Variants in RNF17 observed in about 807,000 individuals in gnomAD.
RNF17 encodes spermatogenesis associated 23.
Under a neutral mutation model 200.5 loss-of-function variants are expected in RNF17, and 31 were observed. The ratio of observed to expected loss-of-function variants is 0.15; its 90% CI spans 0.12 to 0.21. RNF17 has a LOEUF of 0.21. Among genes scored for constraint, RNF17 ranks in the 10% least tolerant of loss-of-function variants. RNF17 has a pLI of 1.00. For synonymous variants in RNF17, 606 were observed against 637.8 expected (o/e 0.95, Z 0.75); for missense variants, 1,628 against 1,905.1 (o/e 0.85, Z 2.71).
chr13:24,840,529 A>ATG (rs568716214), intron 18 of RNF17, among the ~76,000 whole-genome samples: 23,685 of 140,114 alleles, frequency 0.17, 1,821 homozygotes, highest in African/African-American at 0.21. Context: ...ACATATATAT[A>ATG]TGTGTGTGTG....
chr13:24,837,177 C>G (rs929632567), intron 18 of RNF17, among the ~76,000 whole-genome samples: 1 of 152,142 alleles, frequency 6.6e-6, no homozygotes, highest in Admixed American at 6.6e-5. Context: ...GAAAGTATCA[C>G]AGTCTTAAAC....
At chr13:24,888,136 G>A in the RNF17 span, among the ~76,000 whole-genome samples, 1 of 152,072 alleles carries the variant, frequency 6.6e-6, no homozygotes, top group Non-Finnish European at 1.5e-5. Flanking sequence ...AGATGTGAAT[G>A]CAAAAGCGCA....
chr13:24,849,141 A>G (rs764630286), intron 22 of RNF17, among the ~76,000 whole-genome samples: 11 of 152,228 alleles, frequency 7.2e-5, no homozygotes, highest in Non-Finnish European at 1.3e-4. Flanking sequence ...CCTGGGCAAC[A>G]TAATGAGGCC....
upstream of RNF17, among the ~76,000 whole-genome samples, chr13:24,760,818 T>C (rs1317939379): frequency 6.6e-6 from 1 of 152,130 alleles, no homozygotes; most frequent in African/African-American, 2.4e-5. Flanking sequence ...AGGACCTAAA[T>C]AGACATTTCT....
intron 11 of RNF17, among the ~76,000 whole-genome samples, chr13:24,797,829 C>T (rs1884791149): frequency 6.6e-6 from 1 of 151,322 alleles, no homozygotes; most frequent in Admixed American, 6.6e-5. Context: ...CAGCCACCCT[C>T]GACTCTAGAA....
intron 2 of RNF17, among the ~76,000 whole-genome samples, chr13:24,768,445 C>A (rs368813728): frequency 1.3e-5 from 2 of 151,928 alleles, no homozygotes; most frequent in African/African-American, 4.8e-5. Flanking sequence ...CCACCACGCC[C>A]GACTAATTTT....
intron 15 of RNF17, among the ~76,000 whole-genome samples, chr13:24,820,422 TTTTTG>T (rs886124703): frequency 3.4e-4 from 52 of 151,710 alleles, no homozygotes; most frequent in Middle Eastern, 3.4e-3. Context: ...GCACCTGGCC[TTTTTG>T]TTTTGTTTTG....
At chr13:24,802,314 A>G (rs1885351132) in intron 13 of RNF17, 67 bp from the exon 14 acceptor site, 1 of 1,417,474 alleles carries the variant, frequency 7.1e-7, no homozygotes, top group African/African-American at 1.4e-5. Context: ...ACAAACCTAA[A>G]TCCAGAACAT....
the RNF17 span, among the ~76,000 whole-genome samples, chr13:24,886,640 GT>G: frequency 6.6e-6 from 1 of 152,124 alleles, no homozygotes; most frequent in Non-Finnish European, 1.5e-5. Flanking sequence ...GGAGTGCTCT[GT>G]TTGGGATGAC....
Position 24,774,700 on chromosome 13 carries a change from T to C in RNF17, c.226-113T>C. On this transcript the variant is annotated intron_variant, in intron 2 of 35. Transcript: ENST00000255324. ...CCTTGATTTACAGGGGATTTCAGGA[T>C]CTTTAAGGTTATCATTAACTTTATG... 3 of 548,838 alleles carry C rather than the reference T, an allele frequency of 5.5e-6. No homozygotes were observed. The Admixed American group carries it at 1.1e-4, about 20-fold the overall frequency. 34.0% of individuals were successfully genotyped at this position (548,838 alleles called of 1,614,324 possible).
In RNF17 at chr13:24,850,513, C is replaced by G. The variant is rs1321155580; in HGVS notation, c.3204+70C>G. On this transcript the variant is annotated intron_variant, in intron 23 of 35. Coordinates refer to ENST00000255324, the MANE Select transcript of RNF17 (RefSeq NM_031277.3). ...TCCATCGATTCCATTTATTTTCTTT[C>G]TTGTAGAGAAAATAGCAGCCAACTA... The G allele has an allele frequency of 4.7e-6, 5 of 1,062,232 alleles. No homozygotes were observed. In the East Asian group the frequency reaches 1.0e-4, roughly 22 times the overall value. 65.8% of individuals were successfully genotyped at this position (1,062,232 alleles called of 1,614,324 possible).
the RNF17 span, among the ~76,000 whole-genome samples, chr13:24,888,312 G>A: frequency 6.6e-6 from 1 of 151,882 alleles, no homozygotes; most frequent in Non-Finnish European, 1.5e-5. Context: ...AATATTAGCA[G>A]TGCTTGTAAC....
At position 24,844,791 on chromosome 13, in the gene RNF17, A is replaced by C; in HGVS notation, c.2971A>C (p.Thr991Pro). 6.2e-7 allele frequency: 1 copy of C among 1,610,944 alleles called. No individual in the cohort carries two copies. The highest frequency in any genetic ancestry group is 8.5e-7 in the Non-Finnish European group (1 of 1,179,178). Reference sequence around the variant, plus strand: ...CCAGATCATCAGAATGGTTACAGACACATTGGTAGAGGTAAATTACAGAGT... The same window carrying C: ...CCAGATCATCAGAATGGTTACAGACCCATTGGTAGAGGTAAATTACAGAGT... ...RGQIIRMVTD[T>P]LVEVLLYDVG... The change falls in exon 21 of 36, where the codon ACA becomes CCA. Residue 991 changes from threonine (T) to proline (P), a missense_variant. Physicochemically the swap from Thr to Pro is conservative, Grantham distance 38 (BLOSUM62 -1). Transcript: ENST00000255324.
chr13:24,804,043 G>GT (rs953840476), intron 14 of RNF17: 7 of 392,832 alleles, frequency 1.8e-5, no homozygotes, highest in Admixed American at 8.9e-5. Context: ...GGCCAAGGCA[G>GT]TAGGGTCGCC....
chr13:24,771,870 G>A (rs1203274705), intron 2 of RNF17, among the ~76,000 whole-genome samples: 1 of 151,998 alleles, frequency 6.6e-6, no homozygotes, highest in African/African-American at 2.4e-5. Flanking sequence ...CAGGCATGGT[G>A]GCGCATGCCT....
chr13:24,787,946 T>A, intron 6 of RNF17, 42 bp from the exon 7 acceptor site: 2 of 1,451,672 alleles, frequency 1.4e-6, no homozygotes, highest in South Asian at 1.5e-5. Flanking sequence ...TCTATAAATA[T>A]TTATGAAATA....
chr13:24,878,430 G>T (rs916580914), intron 34 of RNF17, among the ~76,000 whole-genome samples: 1 of 152,148 alleles, frequency 6.6e-6, no homozygotes, highest in African/African-American at 2.4e-5. Flanking sequence ...ACGGGAATTG[G>T]CTCACACAGT....
At chr13:24,780,621 C>A (rs1364239741) in intron 5 of RNF17, among the ~76,000 whole-genome samples, 2 of 152,176 alleles carry the variant, frequency 1.3e-5, no homozygotes, top group African/African-American at 4.8e-5. Context: ...CTTGGTCATG[C>A]CTGTGATCCC....
chr13:24,875,193 G>A (rs1894721910), intron 33 of RNF17, among the ~76,000 whole-genome samples: 1 of 152,036 alleles, frequency 6.6e-6, no homozygotes, highest in African/African-American at 2.4e-5. Flanking sequence ...GCACTAAAAA[G>A]GATAAGTGCA....
Sources: allele counts gnomAD v4.1 joint callset (sites outside exome capture counted in the v4.1 genomes callset), GRCh38; gene constraint gnomAD v4.1.1; transcripts MANE v1.5; gene names NCBI Gene and HGNC (gene_info 2026-07-23, HGNC 2026-07-21).